PRUNE1: variants seen among roughly 807,000 people sequenced by gnomAD.
The protein encoded by PRUNE1 is prune exopolyphosphatase 1.
PRUNE1 carries 25 observed loss-of-function variants against 42.5 expected under a neutral mutation model. The observed-to-expected ratio is 0.59, with a 90% CI of 0.43 to 0.82. The LOEUF is 0.82. Among genes scored for constraint, PRUNE1 ranks in the 40% least tolerant of loss-of-function variants. The probability of loss-of-function intolerance (pLI) is 0.00; values close to 1 mark genes in which losing one functional copy is unlikely to be tolerated. For missense variants in PRUNE1, 443 were observed against 539.3 expected (o/e 0.82, Z 1.77); for synonymous variants, 203 against 217.1 (o/e 0.93, Z 0.57).
At chr1:151,008,865 G>T (rs1333485941) in intron 1 of PRUNE1, 194 bp downstream of exon 1, 1 of 745,578 alleles carries the variant, frequency 1.3e-6, no homozygotes, top group Non-Finnish European at 2.3e-6. Flanking sequence ...TGAGAATGCT[G>T]CTTGTTCAGT....
chr1:151,035,154 T>C lies in PRUNE1; in HGVS notation c.*920T>C, dbSNP rs1675478893. Reference sequence around the variant, plus strand: ...TATGTATTTTGGCAAGACACTTCACTACTCCAGGTCTCACTTTCCCCATCT... The same window carrying C: ...TATGTATTTTGGCAAGACACTTCACCACTCCAGGTCTCACTTTCCCCATCT... On this transcript the variant is annotated 3_prime_UTR_variant, in exon 8 of 8. Coordinates refer to ENST00000271620, the MANE Select transcript of PRUNE1 (RefSeq NM_021222.3). 1 of 152,230 alleles carries C rather than the reference T, an allele frequency of 6.6e-6. No individual in the cohort carries two copies. The highest frequency in any genetic ancestry group is 2.1e-4 in the South Asian group (1 of 4,830). 9.4% of individuals were successfully genotyped at this position (152,230 alleles called of 1,614,324 possible).
rs1040739380 is a variant in PRUNE1, at chr1:151,024,669, C to A, written c.394C>A (p.Pro132Thr). Residue 132 changes from proline (P) to threonine (T), a missense_variant, in exon 4 of 8, where the codon CCG becomes ACG. Transcript: ENST00000271620. ...AEVLDHRPIE[P>T]KHCPPCHVSV... ...GGTGCTAGACCATCGACCCATCGAG[C>A]CGAAACACTGCCCTCCCTGCCATGT... The A allele has an allele frequency of 3.1e-6, 5 of 1,613,792 alleles. No individual in the cohort carries two copies. Among genetic ancestry groups the A allele is most frequent in the Non-Finnish European group, 4.2e-6 (5 of 1,179,814 alleles).
intron 7 of PRUNE1, among the ~76,000 whole-genome samples, chr1:151,030,404 C>G (rs117153262): frequency 0.029 from 4,396 of 152,250 alleles, 102 homozygotes; most frequent in South Asian, 0.1. Flanking sequence ...TTCCCGCCCC[C>G]CTTTGCCTTT....
chr1:151,020,174 G>A (rs1256077037), intron 3 of PRUNE1, among the ~76,000 whole-genome samples: 14 of 136,832 alleles, frequency 1.0e-4, no homozygotes, highest in East Asian at 2.3e-4. Context: ...GGTGGCTCAC[G>A]CCTGTAATCC....
chr1:151,033,693 C>G (rs991736260), intron 7 of PRUNE1, 113 bp from the exon 8 acceptor site: 6 of 1,105,712 alleles, frequency 5.4e-6, no homozygotes, highest in Non-Finnish European at 7.8e-6. Flanking sequence ...CCCCGCCCGG[C>G]CGACTTACTT....
At position 151,031,272 on chromosome 1, in the gene PRUNE1, C is replaced by CA. The variant is rs772218250; in HGVS notation, c.933+2328_933+2329insA. On this transcript the variant is annotated intron_variant, in intron 7 of 7. Transcript: ENST00000271620. ...ATGGCACTATCTCAGCTCACTGCAA[C>CA]CTCTGCCTCCCGGGTTCAAGCAATC... Among the ~76,000 whole-genome samples, 13 of 150,072 alleles carry CA rather than the reference C, an allele frequency of 8.7e-5. No individual in the cohort carries two copies. The South Asian group carries it at 1.5e-3, about 17-fold the overall frequency.
At chr1:151,020,233 T>C (rs1331309925) in intron 3 of PRUNE1, among the ~76,000 whole-genome samples, 1 of 143,128 alleles carries the variant, frequency 7.0e-6, no homozygotes, top group Non-Finnish European at 1.5e-5. Context: ...CCCTGTTCTC[T>C]AAAAAAAAAT....
chr1:151,026,846 T>C (rs1674869276), intron 5 of PRUNE1, among the ~76,000 whole-genome samples: 1 of 150,202 alleles, frequency 6.7e-6, no homozygotes, highest in African/African-American at 2.5e-5. Context: ...TTTCTTTCTT[T>C]CTTTTTTTTT....
intron 3 of PRUNE1, 99 bp from the exon 4 acceptor site, chr1:151,024,512 C>G (rs969804284): frequency 2.6e-6 from 3 of 1,153,402 alleles, no homozygotes; most frequent in Non-Finnish European, 3.8e-6. Context: ...AAAAAGACAT[C>G]TGCATTTTCC....
intron 7 of PRUNE1, 60 bp downstream of exon 7, chr1:151,029,004 T>TG: frequency 6.6e-7 from 1 of 1,514,290 alleles, no homozygotes; most frequent in Non-Finnish European, 9.1e-7. Context: ...TATGTACCTC[T>TG]GTGCTCTACA....
At chr1:151,017,449 A>G (rs74125014) in intron 1 of PRUNE1, among the ~76,000 whole-genome samples, 8,247 of 152,130 alleles carry the variant, frequency 0.054, 361 homozygotes, top group African/African-American at 0.12. Flanking sequence ...GAAGCCCTAC[A>G]TGAGTATAAG....
In PRUNE1 at chr1:151,025,525, C is replaced by G; in HGVS notation, c.531C>G (p.Ile177Met). 3 of 1,613,886 alleles carry G rather than the reference C, an allele frequency of 1.9e-6. No individual in the cohort carries two copies. The highest frequency in any genetic ancestry group is 2.5e-6 in the Non-Finnish European group (3 of 1,179,908). ...CTCCCTTCTCCACAGGAACCATCAT[C>G]CTGGACTGTGTCAACATGGACCTTA... ...QTAALLHGTI[I>M]LDCVNMDLKI... Residue 177 changes from isoleucine (I) to methionine (M), a missense_variant, in exon 5 of 8, where the codon ATC (isoleucine) becomes ATG (methionine). Transcript: ENST00000271620.
rs376176363 is a variant in PRUNE1 at position 151,008,650 on chromosome 1, G to C, written c.18G>C (p.Gln6His). Residue 6 changes from glutamine to histidine, a missense_variant, in exon 1 of 8, where the codon CAG becomes CAC. Transcript: ENST00000271620. ...GCTTCATCATGGAGGACTACCTGCA[G>C]GGTTGTCGAGCTGCTCTGCAGGTAA... MEDYLQGCRAALQESR... is the reference protein window; with the variant it reads MEDYLHGCRAALQESR... 2 of 1,614,068 alleles carry C rather than the reference G, an allele frequency of 1.2e-6. No individual in the cohort carries two copies. Among genetic ancestry groups the C allele is most frequent in the Non-Finnish European group, 1.7e-6 (2 of 1,180,040 alleles).
intron 7 of PRUNE1, 128 bp from the exon 8 acceptor site, chr1:151,033,678 C>G: frequency 1.1e-6 from 1 of 899,944 alleles, no homozygotes; most frequent in Non-Finnish European, 1.7e-6. Context: ...GCGTGAGCCA[C>G]CGCACCCCGC....
chr1:151,028,700 G>A (rs1051709420), intron 6 of PRUNE1, 86 bp from the exon 7 acceptor site: 34 of 1,416,924 alleles, frequency 2.4e-5, no homozygotes, highest in Admixed American at 1.5e-4. Flanking sequence ...TAGGATTATA[G>A]GCGTAAGCGA....
chr1:151,021,820 T>TTGTGTGTG (rs587667625), intron 3 of PRUNE1, among the ~76,000 whole-genome samples: 1 of 148,006 alleles, frequency 6.8e-6, no homozygotes, highest in African/African-American at 2.5e-5. Flanking sequence ...CGGGATAATT[T>TTGTGTGTG]TGTGTGTGTG....
At chr1:151,018,391 T>C in intron 2 of PRUNE1, 76 bp from the exon 3 acceptor site, 1 of 1,252,144 alleles carries the variant, frequency 8.0e-7, no homozygotes, top group Non-Finnish European at 1.2e-6. Context: ...TATGTCTCCT[T>C]TGGTCCCAGT....
intron 1 of PRUNE1, among the ~76,000 whole-genome samples, chr1:151,012,480 T>A (rs1673833015): frequency 6.6e-6 from 1 of 152,106 alleles, no homozygotes; most frequent in Admixed American, 6.6e-5. Flanking sequence ...ATGTTAAGGA[T>A]CAGGGATACA....
chr1:151,028,740 T>C (rs1268672690), intron 6 of PRUNE1, 46 bp from the exon 7 acceptor site: 1 of 1,588,864 alleles, frequency 6.3e-7, no homozygotes, highest in Non-Finnish European at 8.6e-7. Flanking sequence ...GTTTTATTGA[T>C]GATGATGAGA....
Sources: allele counts gnomAD v4.1 joint callset (sites outside exome capture counted in the v4.1 genomes callset), GRCh38; gene constraint gnomAD v4.1.1; transcripts MANE v1.5; gene names NCBI Gene and HGNC (gene_info 2026-07-23, HGNC 2026-07-21).